Variants in CGAS observed in about 807,000 individuals in gnomAD.
CGAS encodes the protein cyclic GMP-AMP synthase.
CGAS carries 31 observed loss-of-function variants against 34.0 expected under a neutral mutation model. The observed-to-expected ratio is 0.91, with a 90% confidence interval of 0.69 to 1.23. CGAS has a LOEUF of 1.23. Ranked by LOEUF, CGAS falls within the 50% of genes most tolerant of loss-of-function variation. The pLI, the probability that CGAS is intolerant of heterozygous loss-of-function variation, is 0.00. For synonymous variants in CGAS, 266 were observed against 260.0 expected (o/e 1.02, Z -0.22); for missense variants, 597 against 657.6 (o/e 0.91, Z 1.01).
intron 2 of CGAS, among the ~76,000 whole-genome samples, chr6:73,444,152 G>T (rs904875302): frequency 4.6e-5 from 7 of 151,802 alleles, no homozygotes; most frequent in African/African-American, 1.7e-4. Context: ...ACCACGCCTG[G>T]CTAATTTTTG....
intron 2 of CGAS, among the ~76,000 whole-genome samples, chr6:73,442,597 CTTTTT>C (rs66905880): frequency 7.6e-6 from 1 of 131,496 alleles, no homozygotes; most frequent in Non-Finnish European, 1.6e-5. Context: ...TTTTTTCTTT[CTTTTT>C]TTTTTTTTTT....
intron 3 of CGAS, among the ~76,000 whole-genome samples, chr6:73,432,134 AATT>A (rs1406004275): frequency 1.4e-4 from 21 of 149,698 alleles, no homozygotes; most frequent in Admixed American, 1.2e-3. Context: ...AATATAAGAA[AATT>A]ATTATTTGTT....
At chr6:73,437,315 C>G (rs1316114215) in intron 3 of CGAS, among the ~76,000 whole-genome samples, 1 of 151,996 alleles carries the variant, frequency 6.6e-6, no homozygotes, top group South Asian at 2.1e-4. Flanking sequence ...TTTGGAACCA[C>G]GTATATGCTT....
At chr6:73,426,867 T>C (rs953699809) in intron 4 of CGAS, among the ~76,000 whole-genome samples, 1 of 151,970 alleles carries the variant, frequency 6.6e-6, no homozygotes, top group African/African-American at 2.4e-5. Context: ...TCCTTTTTTT[T>C]TGAGATGGAG....
chr6:73,450,935 A>G (rs886394531), intron 1 of CGAS, among the ~76,000 whole-genome samples: 3 of 150,080 alleles, frequency 2.0e-5, no homozygotes, highest in Non-Finnish European at 3.0e-5. Flanking sequence ...GCTTGCAGTG[A>G]GCCGAGATAG....
intron 3 of CGAS, among the ~76,000 whole-genome samples, chr6:73,439,322 A>G (rs565721418): frequency 6.6e-6 from 1 of 152,022 alleles, no homozygotes; most frequent in Non-Finnish European, 1.5e-5. Context: ...TCTACTAAAA[A>G]TACAAAAAAT....
chr6:73,435,001 ATGTAT>A (rs532468764), intron 3 of CGAS, among the ~76,000 whole-genome samples: 4 of 152,124 alleles, frequency 2.6e-5, no homozygotes, highest in Non-Finnish European at 4.4e-5. Context: ...TAATTATTAA[ATGTAT>A]TGTATTAATG....
chr6:73,443,602 C>T (rs1216641650), intron 2 of CGAS, among the ~76,000 whole-genome samples: 1 of 152,192 alleles, frequency 6.6e-6, no homozygotes, highest in East Asian at 1.9e-4. Context: ...TCCCCCCCAC[C>T]TCCATCTCCC....
At chr6:73,444,847 C>T (rs1770443043) in intron 2 of CGAS, among the ~76,000 whole-genome samples, 1 of 152,066 alleles carries the variant, frequency 6.6e-6, no homozygotes, top group African/African-American at 2.4e-5. Flanking sequence ...GCAGCACTTG[C>T]ATCTGGATTA....
chr6:73,445,789 A>G, intron 1 of CGAS, 42 bp from the exon 2 acceptor site: 3 of 1,437,660 alleles, frequency 2.1e-6, no homozygotes, highest in Non-Finnish European at 2.8e-6. Flanking sequence ...TTGCTTATGA[A>G]TATTTTCCAA....
chr6:73,452,002 C>T lies in CGAS; in HGVS notation c.180G>A (p.Arg60=). Residue 60 remains arginine, a synonymous_variant, in exon 1 of 5, where the codon CGG becomes CGA. Coordinates refer to ENST00000370315, the MANE Select transcript of CGAS (RefSeq NM_138441.3). ...KFGPARKSGS[R]QKKSAPDTQE... ...GGGTGTCCGGGGCGCTCTTTTTCTG[C>T]CGGGATCCCGACTTCCTGGCGGGGC... 1.4e-6 allele frequency: 2 copies of T among 1,477,420 alleles called. No homozygotes were observed. The highest frequency in any genetic ancestry group is 9.0e-7 in the Non-Finnish European group (1 of 1,112,188). 91.5% of individuals were successfully genotyped at this position (1,477,420 alleles called of 1,614,324 possible).
chr6:73,439,180 G>T (rs983939483), intron 3 of CGAS, among the ~76,000 whole-genome samples: 2 of 151,084 alleles, frequency 1.3e-5, no homozygotes, highest in African/African-American at 4.9e-5. Flanking sequence ...GGTGCCAAAA[G>T]TCCTATATAA....
At chr6:73,443,428 C>T (rs766139694) in intron 2 of CGAS, among the ~76,000 whole-genome samples, 22 of 151,844 alleles carry the variant, frequency 1.4e-4, no homozygotes, top group Admixed American at 4.6e-4. Flanking sequence ...TTAGTCAAGA[C>T]GGGGTTTCAC....
chr6:73,439,980 A>G, intron 3 of CGAS: 1 of 464,292 alleles, frequency 2.2e-6, no homozygotes, highest in South Asian at 3.1e-5. Flanking sequence ...AAATAAAATA[A>G]AATTCAAATA....
chr6:73,425,224 A>G lies in CGAS; in HGVS notation c.*3T>C. ...GTTCTTAGATCTTTCTAAAAATACA[A>G]TCTCAAAATTCATCAAAAACTGGAA... On this transcript the variant is annotated 3_prime_UTR_variant, in exon 5 of 5. Coordinates refer to ENST00000370315, the MANE Select transcript of CGAS (RefSeq NM_138441.3). 5.8e-6 allele frequency: 9 copies of G among 1,551,026 alleles called. No homozygotes were observed. The highest frequency in any genetic ancestry group is 7.0e-6 in the Non-Finnish European group (8 of 1,147,388).
chr6:73,429,364 G>A (rs1770144985), intron 3 of CGAS, among the ~76,000 whole-genome samples: 1 of 151,864 alleles, frequency 6.6e-6, no homozygotes, highest in African/African-American at 2.4e-5. Flanking sequence ...ATAGTAAGAT[G>A]TATTACCTTT....
At chr6:73,437,174 T>C (rs1770295074) in intron 3 of CGAS, among the ~76,000 whole-genome samples, 1 of 151,400 alleles carries the variant, frequency 6.6e-6, no homozygotes, top group African/African-American at 2.4e-5. Flanking sequence ...ATAAATAAAA[T>C]AAAAAATAAA....
At position 73,426,218 on chromosome 6, in the gene CGAS, G is replaced by A. The variant is rs1471654386; in HGVS notation, c.1218-640C>T. ...GAATCACTTGAACCCAGGAGGCAGA[G>A]GTTGCAGTGAGCCAAGATCATGCCA... is the stretch of plus-strand genomic sequence containing the variant. On this transcript the variant is annotated intron_variant, in intron 4 of 4. Transcript: ENST00000370315. Among the ~76,000 whole-genome samples, 5 of 151,764 alleles carry A rather than the reference G, an allele frequency of 3.3e-5. No homozygotes were observed. The East Asian group carries it at 9.7e-4, about 29-fold the overall frequency.
chr6:73,436,123 G>A (rs1264068243), intron 3 of CGAS, among the ~76,000 whole-genome samples: 1 of 151,738 alleles, frequency 6.6e-6, no homozygotes, highest in East Asian at 1.9e-4. Flanking sequence ...GCTCCAAGAA[G>A]AACAACCCTA....
Sources: allele counts gnomAD v4.1 joint callset (sites outside exome capture counted in the v4.1 genomes callset), GRCh38; gene constraint gnomAD v4.1.1; transcripts MANE v1.5; gene names NCBI Gene and HGNC (gene_info 2026-07-23, HGNC 2026-07-21).